The following PCARE variants were observed in gnomAD, a reference collection of about 807,000 sequenced individuals.
PCARE encodes the protein uncharacterized protein C2orf71.
In PCARE, 72 loss-of-function variants were observed where a neutral mutation model predicts 82.2. That is an observed-to-expected ratio of 0.88 (90% confidence interval 0.72 to 1.07). The LOEUF is 1.07. PCARE is among the 50% of genes least tolerant of loss of function. The pLI, the probability that PCARE is intolerant of heterozygous loss-of-function variation, is 0.00. For missense variants in PCARE, 1,768 were observed against 1,592.4 expected, an observed-to-expected ratio of 1.11 and a Z score of -1.88; for synonymous variants, 705 against 634.8, an observed-to-expected ratio of 1.11 and a Z score of -1.66.
At chr2:29,068,164 T>C (rs1306914553) in intron 1 of PCARE, among the ~76,000 whole-genome samples, 2 of 152,188 alleles carry the variant, frequency 1.3e-5, no homozygotes, top group Non-Finnish European at 2.9e-5. Context: ...GATTCTCAGA[T>C]GAAAACCACT....
Position 29,073,447 on chromosome 2 carries a change from T to C in PCARE, c.815A>G (p.Gln272Arg). 6.2e-7 allele frequency: 1 copy of C among 1,614,218 alleles called. No individual in the cohort carries two copies. The part of the protein sequence containing the change: ...EQPNLLQQLL[Q>R]YTVSKLQVLN... Reference sequence around the variant, plus strand: ...CACCTGCAGCTTGCTGACTGTGTACTGTAGCAGCTGTTGCAGGAGATTTGG... The same window carrying C: ...CACCTGCAGCTTGCTGACTGTGTACCGTAGCAGCTGTTGCAGGAGATTTGG... Residue 272 changes from glutamine to arginine, a missense_variant, in exon 1 of 2, where the codon CAG (glutamine) becomes CGG (arginine). Physicochemically the swap from Gln to Arg is conservative, Grantham distance 43. Coordinates refer to ENST00000331664, the MANE Select transcript of PCARE (RefSeq NM_001029883.3).
rs780770054 is a variant in PCARE at position 29,072,503 on chromosome 2, C to A, written c.1759G>T (p.Ala587Ser). 1.9e-6 allele frequency: 3 copies of A among 1,614,204 alleles called. No individual in the cohort carries two copies. The highest frequency in any genetic ancestry group is 1.7e-6 in the Non-Finnish European group (2 of 1,180,044). Residue 587 changes from alanine (A) to serine (S), a missense_variant, in exon 1 of 2, where the codon GCC becomes TCC. Ala to Ser is a moderately conservative substitution (Grantham distance 99). Coordinates refer to ENST00000331664, the MANE Select transcript of PCARE (RefSeq NM_001029883.3). The stretch of plus-strand genomic sequence containing the variant: ...TGGGACCTCGTCTGCCTCTCAGGGG[C>A]CCTCCTGCTGCCACTTACCGTGCTA... ...RPSTVSGSRR[A>S]PERQTRSQSE...
rs778039657 is a variant in PCARE at position 29,073,674 on chromosome 2, G to A, written c.588C>T (p.Ser196=). The change falls in exon 1 of 2, where the codon TCC becomes TCT. Residue 196 remains serine, a synonymous_variant. Coordinates refer to ENST00000331664, the MANE Select transcript of PCARE (RefSeq NM_001029883.3). ...TGATGCACAGAATTGCTTCATATTT[G>A]GAGAGGCTGGAGTGTAGATAGGTGT... ...QAYTYLHSSL[S]KYEAILCIIH... The A allele has an allele frequency of 6.2e-7, 1 of 1,614,184 alleles. No homozygotes were observed. The highest frequency in any genetic ancestry group is 8.5e-7 in the Non-Finnish European group (1 of 1,180,030).
rs759749557 is a variant in PCARE, at chr2:29,072,333, C to T, written c.1929G>A (p.Gln643=). 4.3e-6 allele frequency: 7 copies of T among 1,614,014 alleles called. No individual in the cohort carries two copies. The Admixed American group carries it at 1.2e-4, about 27-fold the overall frequency. ...GQGQSQEQIL[Q]PRAAAVWPNG... is the part of the protein sequence containing the mutation. Reference sequence around the variant, plus strand: ...TGGGCCACACGGCGGCTGCTCTGGGCTGCAGAATTTGCTCCTGGCTCTGCC... The same window carrying T: ...TGGGCCACACGGCGGCTGCTCTGGGTTGCAGAATTTGCTCCTGGCTCTGCC... The change falls in exon 1 of 2, where the codon CAG becomes CAA. Residue 643 remains glutamine (Q), a synonymous_variant. Transcript: ENST00000331664.
chr2:29,066,604 G>T (rs534367683), intron 1 of PCARE, among the ~76,000 whole-genome samples: 6 of 152,244 alleles, frequency 3.9e-5, no homozygotes, highest in Non-Finnish European at 8.8e-5. Flanking sequence ...GATCGAGGTG[G>T]GTGGTAGGAG....
In PCARE at chr2:29,063,609, C is replaced by T. The variant is rs754291005; in HGVS notation, c.*1260G>A. 4 of 152,564 alleles carry T rather than the reference C, an allele frequency of 2.6e-5. No homozygotes were observed. The highest frequency in any genetic ancestry group is 6.6e-5 in the Admixed American group (1 of 15,266). 9.5% of individuals were successfully genotyped at this position (152,564 alleles called of 1,614,324 possible). ...CAGCTTTGCAGCAGATCTGGAGGAT[C>T]GTCCCTTTGCTGTACCCCAGTGGGT... On this transcript the variant is annotated 3_prime_UTR_variant, in exon 2 of 2. Transcript: ENST00000331664.
At chr2:29,068,534 A>T (rs1667424012) in intron 1 of PCARE, among the ~76,000 whole-genome samples, 1 of 149,592 alleles carries the variant, frequency 6.7e-6, no homozygotes, top group Non-Finnish European at 1.5e-5. Flanking sequence ...GACCTCAGAC[A>T]TTTTTTTTTT....
intron 1 of PCARE, among the ~76,000 whole-genome samples, chr2:29,067,476 G>A (rs1368983477): frequency 3.9e-5 from 6 of 152,154 alleles, no homozygotes; most frequent in African/African-American, 1.4e-4. Flanking sequence ...GGGAATGGTT[G>A]CGAGTCATTA....
intron 1 of PCARE, 65 bp downstream of exon 1, chr2:29,070,529 C>T: frequency 1.9e-6 from 3 of 1,600,144 alleles, no homozygotes; most frequent in South Asian, 2.2e-5. Flanking sequence ...GATCTTTTGG[C>T]CCATTCGCTC....
rs1250368348 is a variant in PCARE at position 29,062,567 on chromosome 2, G to A, written c.*2302C>T. 6.6e-6 allele frequency: 1 copy of A among 152,254 alleles called. No homozygotes were observed. The highest frequency in any genetic ancestry group is 1.5e-5 in the Non-Finnish European group (1 of 68,070). The allele number at this position is 152,254 out of a possible 1,614,324, so 9.4% of individuals were successfully genotyped here. On this transcript the variant is annotated 3_prime_UTR_variant, in exon 2 of 2. Transcript: ENST00000331664. Reference sequence around the variant, plus strand: ...CCGTTGTTCATTCCGGACCCTTCCTGCGTGTTCTCCATGATACTGACCCCT... The same window carrying A: ...CCGTTGTTCATTCCGGACCCTTCCTACGTGTTCTCCATGATACTGACCCCT...
rs1257048499 is a variant in PCARE, at chr2:29,071,378, G to A, written c.2884C>T (p.His962Tyr). 1 of 1,613,780 alleles carries A rather than the reference G, an allele frequency of 6.2e-7. No individual in the cohort carries two copies. Among genetic ancestry groups the A allele is most frequent in the Admixed American group, 1.7e-5 (1 of 60,030 alleles). Residue 962 changes from histidine to tyrosine, a missense_variant, in exon 1 of 2, where the codon CAC (histidine) becomes TAC (tyrosine). Transcript: ENST00000331664. ...RQPRKAIAWH[H>Y]SGPPSGQNRT... ...TTTTGTCCAGATGGAGGGCCGGAGT[G>A]GTGCCAGGCGATGGCCTTCCGGGGC...
At position 29,074,316 on chromosome 2, in the gene PCARE, T is replaced by G; in HGVS notation, c.-55A>C. On this transcript the variant is annotated 5_prime_UTR_variant, in exon 1 of 2. Transcript: ENST00000331664. ...CCTTCACAATTTTCCAAGAATCATA[T>G]TTGAAATAGGAACAAAAGGCAATCT... The G allele has an allele frequency of 6.6e-7, 1 of 1,508,852 alleles. No homozygotes were observed. The highest frequency in any genetic ancestry group is 2.3e-5 in the Admixed American group (1 of 44,106). 93.5% of individuals were successfully genotyped at this position (1,508,852 alleles called of 1,614,324 possible).
Position 29,071,031 on chromosome 2 carries a change from G to A in PCARE, c.3231C>T (p.His1077=). The change falls in exon 1 of 2, where the codon CAC becomes CAT. Residue 1077 remains histidine (H), a synonymous_variant. Coordinates refer to ENST00000331664, the MANE Select transcript of PCARE (RefSeq NM_001029883.3). ...TCGAGAAAGGGGGGCTTGCTTCTGG[G>A]TGCTGGGTTGGGGGGCTGGGGACCT... is the stretch of plus-strand genomic sequence containing the variant. ...QCKVPSPPTQ[H]PEASPPFSIP... 6.3e-7 allele frequency: 1 copy of A among 1,591,818 alleles called. No homozygotes were observed. Among genetic ancestry groups the A allele is most frequent in the Non-Finnish European group, 8.6e-7 (1 of 1,168,894 alleles).
Position 29,070,696 on chromosome 2 carries a change from A to G in PCARE, c.3566T>C (p.Phe1189Ser), listed in dbSNP as rs1219954049. 2 of 1,614,088 alleles carry G rather than the reference A, an allele frequency of 1.2e-6. No homozygotes were observed. Among genetic ancestry groups the G allele is most frequent in the Non-Finnish European group, 1.7e-6 (2 of 1,180,020 alleles). ...GCGGTCAGAAGCTGTCCTCCTGAGG[A>G]AAGGCAGAGGGTTGAGGGCACACAG... ...AALCALNPLP[F>S]LRRTASDRQP... is the part of the protein sequence containing the mutation. Residue 1189 changes from phenylalanine (F) to serine (S), a missense_variant, in exon 1 of 2, where the codon TTC becomes TCC. Transcript: ENST00000331664.
Position 29,071,773 on chromosome 2 carries a change from AGG to A in PCARE, c.2487_2488del (p.Leu830ProfsTer276). On this transcript the variant is annotated frameshift_variant, in exon 1 of 2. Coordinates refer to ENST00000331664, the MANE Select transcript of PCARE (RefSeq NM_001029883.3). LOFTEE classifies it high-confidence loss of function. ...CAGAACTTCCATAGGCGGTGGAGGG[AGG>A]TGCTCGAGGTTCCCCTCCATTTCAC... 6.2e-7 allele frequency: 1 copy of A among 1,613,356 alleles called. No homozygotes were observed. Among genetic ancestry groups the A allele is most frequent in the African/African-American group, 1.3e-5 (1 of 75,008 alleles).
At position 29,071,800 on chromosome 2, in the gene PCARE, C is replaced by G. The variant is rs748121789; in HGVS notation, c.2462G>C (p.Cys821Ser). Reference protein sequence around the residue: ...AEAAKSEELSCEMEGNLEHLP... With the variant: ...AEAAKSEELSSEMEGNLEHLP... Reference sequence around the variant, plus strand: ...GTGCTCGAGGTTCCCCTCCATTTCACAGCTGAGCTCCTCACTCTTGGCTGC... The same window carrying G: ...GTGCTCGAGGTTCCCCTCCATTTCAGAGCTGAGCTCCTCACTCTTGGCTGC... Residue 821 changes from cysteine (C) to serine (S), a missense_variant, in exon 1 of 2, where the codon TGT (cysteine) becomes TCT (serine). Physicochemically the swap from Cys to Ser is moderately radical, Grantham distance 112. Coordinates refer to ENST00000331664, the MANE Select transcript of PCARE (RefSeq NM_001029883.3). 2.5e-6 allele frequency: 4 copies of G among 1,613,998 alleles called. No individual in the cohort carries two copies. The African/African-American group carries it at 5.3e-5, about 22-fold the overall frequency.
intron 1 of PCARE, among the ~76,000 whole-genome samples, chr2:29,070,366 A>G (rs1289406564): frequency 6.6e-6 from 1 of 151,910 alleles, no homozygotes; most frequent in African/African-American, 2.4e-5. Flanking sequence ...GCCTCTTTTC[A>G]ATTAAAATAT....
chr2:29,073,468 T>C lies in PCARE; in HGVS notation c.794A>G (p.Asn265Ser). Residue 265 changes from asparagine to serine, a missense_variant, in exon 1 of 2, where the codon AAT (asparagine) becomes AGT (serine). By Grantham distance (46) the Asn-to-Ser change is conservative. Transcript: ENST00000331664. ...LKKREPQEQP[N>S]LLQQLLQYTV... ...GTACTGTAGCAGCTGTTGCAGGAGA[T>C]TTGGCTGCTCCTGGGGCTCTCTTTT... 1.2e-6 allele frequency: 2 copies of C among 1,614,080 alleles called. No homozygotes were observed. The highest frequency in any genetic ancestry group is 1.7e-6 in the Non-Finnish European group (2 of 1,179,992).
Position 29,072,715 on chromosome 2 carries a change from G to C in PCARE, c.1547C>G (p.Ser516Cys). Residue 516 changes from serine (S) to cysteine (C), a missense_variant, in exon 1 of 2, where the codon TCT (serine) becomes TGT (cysteine). Coordinates refer to ENST00000331664, the MANE Select transcript of PCARE (RefSeq NM_001029883.3). The part of the protein sequence containing the change: ...QEKTPHSRPQ[S>C]SPADRESPFQ... ...TGGGCTTTCCCGGTCAGCAGGTGAA[G>C]ATTGTGGCCTTGAATGTGGAGTTTT... 1.2e-6 allele frequency: 2 copies of C among 1,614,104 alleles called. No homozygotes were observed. Among genetic ancestry groups the C allele is most frequent in the Non-Finnish European group, 1.7e-6 (2 of 1,180,034 alleles).
Sources: gnomAD v4.1 joint callset for allele counts (sites outside exome capture counted in the v4.1 genomes callset) on GRCh38, gnomAD v4.1.1 for gene constraint, MANE v1.5 for transcripts, NCBI Gene and HGNC (gene_info 2026-07-23, HGNC 2026-07-21) for gene names.